Variants in MYH11 observed in about 807,000 individuals in gnomAD.
MYH11 encodes myosin-11.
A neutral mutation model predicts 246.6 loss-of-function variants in MYH11; 80 were observed. The ratio of observed to expected loss-of-function variants is 0.32; its 90% CI spans 0.27 to 0.39. The LOEUF is 0.39. Among genes scored for constraint, MYH11 ranks in the 10% least tolerant of loss-of-function variants. The pLI is 1.00. For synonymous variants in MYH11, 1,071 were observed against 1,015.5 expected, an observed-to-expected ratio of 1.05 and a Z score of -1.04; for missense variants, 2,158 against 2,546.8, an observed-to-expected ratio of 0.85 and a Z score of 3.29.
chr16:15,832,941 ATCTTTTTTTT>A (rs2043780156), intron 2 of MYH11, among the ~76,000 whole-genome samples: 16 of 86,174 alleles, frequency 1.9e-4, no homozygotes, highest in African/African-American at 5.0e-4. Flanking sequence ...CAGCAACCTC[ATCTTTTTTTT>A]TTTTTTTTTT....
intron 40 of MYH11, chr16:15,712,797 A>C (rs951772499): frequency 5.3e-5 from 7 of 131,102 alleles, no homozygotes; most frequent in African/African-American, 1.8e-4. Flanking sequence ...CTGTCAGGGG[A>C]CCTCTGGCCA....
At chr16:15,760,963 G>T (rs561456527) in intron 10 of MYH11, among the ~76,000 whole-genome samples, 9 of 152,218 alleles carry the variant, frequency 5.9e-5, no homozygotes, top group Admixed American at 3.9e-4. Context: ...TGTGACTTTG[G>T]AAAAGCTCTT....
At chr16:15,759,534 G>T in intron 12 of MYH11, 42 bp downstream of exon 12, 1 of 1,613,902 alleles carries the variant, frequency 6.2e-7, no homozygotes, top group Middle Eastern at 1.6e-4. Flanking sequence ...GCCCATCTCA[G>T]ACAACCAAGA....
At chr16:15,777,410 C>T (rs563669002) in intron 7 of MYH11, among the ~76,000 whole-genome samples, 4 of 152,256 alleles carry the variant, frequency 2.6e-5, no homozygotes, top group South Asian at 2.1e-4. Flanking sequence ...CGTGAACCAC[C>T]GTGCCTGGCT....
chr16:15,772,928 C>T (rs2042138135), intron 8 of MYH11, among the ~76,000 whole-genome samples: 1 of 152,144 alleles, frequency 6.6e-6, no homozygotes, highest in African/African-American at 2.4e-5. Context: ...CCCCATCACC[C>T]CCCGATGGGA....
At chr16:15,730,886 G>A (rs774040215) in intron 27 of MYH11, among the ~76,000 whole-genome samples, 3 of 152,144 alleles carry the variant, frequency 2.0e-5, no homozygotes, top group Non-Finnish European at 4.4e-5. Flanking sequence ...CCCATACACC[G>A]CAAAGAGTTC....
At chr16:15,833,156 G>A (rs977757594) in intron 2 of MYH11, among the ~76,000 whole-genome samples, 5 of 150,952 alleles carry the variant, frequency 3.3e-5, no homozygotes, top group African/African-American at 1.2e-4. Context: ...AAAATTAGCT[G>A]GGCATCGTGC....
chr16:15,838,974 A>G (rs2043981239), intron 1 of MYH11, among the ~76,000 whole-genome samples: 1 of 152,038 alleles, frequency 6.6e-6, no homozygotes, highest in African/African-American at 2.4e-5. Flanking sequence ...GATTAAACAT[A>G]GAATTACCCA....
At chr16:15,746,512 G>C (rs975728413) in intron 19 of MYH11, among the ~76,000 whole-genome samples, 1 of 152,106 alleles carries the variant, frequency 6.6e-6, no homozygotes, top group Admixed American at 6.6e-5. Context: ...TGACCATCTT[G>C]GGTCCATGTG....
At chr16:15,767,655 C>T (rs1205011894) in intron 9 of MYH11, among the ~76,000 whole-genome samples, 1 of 151,972 alleles carries the variant, frequency 6.6e-6, no homozygotes, top group African/African-American at 2.4e-5. Context: ...AATCGGTCTT[C>T]GCAGATGGAA....
At chr16:15,717,499 A>C in intron 37 of MYH11, 151 bp from the exon 38 acceptor site, 1 of 762,322 alleles carries the variant, frequency 1.3e-6, no homozygotes, top group Non-Finnish European at 2.1e-6. Context: ...AACTCCACTC[A>C]AGAGCTTCTT....
At chr16:15,839,576 C>T (rs958440315) in intron 1 of MYH11, among the ~76,000 whole-genome samples, 1 of 151,978 alleles carries the variant, frequency 6.6e-6, no homozygotes, top group African/African-American at 2.4e-5. Flanking sequence ...CACCTGTAGT[C>T]CCAGCTACTC....
intron 1 of MYH11, among the ~76,000 whole-genome samples, chr16:15,848,144 C>A (rs761515857): frequency 6.6e-6 from 1 of 151,486 alleles, no homozygotes; most frequent in African/African-American, 2.4e-5. Flanking sequence ...AGAATGTTTT[C>A]CTAAAAATTT....
chr16:15,708,985 C>G (rs2039626708), intron 40 of MYH11: 2 of 903,184 alleles, frequency 2.2e-6, no homozygotes. Context: ...CTCTGTCACC[C>G]AGGCTGGAGT....
chr16:15,723,457 G>A (rs914183384), intron 31 of MYH11, among the ~76,000 whole-genome samples: 14 of 152,228 alleles, frequency 9.2e-5, no homozygotes, highest in Middle Eastern at 3.4e-3. Context: ...GACCAGCCTG[G>A]ACAACATGGC....
At chr16:15,831,464 G>GGTGTGGGTGTGT (rs2043735215) in intron 2 of MYH11, among the ~76,000 whole-genome samples, 1 of 145,588 alleles carries the variant, frequency 6.9e-6, no homozygotes, top group Non-Finnish European at 1.5e-5. Flanking sequence ...TTATGTTTGG[G>GGTGTGGGTGTGT]GTGTGTGTGT....
intron 9 of MYH11, among the ~76,000 whole-genome samples, chr16:15,768,465 T>A (rs756046675): frequency 6.6e-6 from 1 of 152,084 alleles, no homozygotes; most frequent in Non-Finnish European, 1.5e-5. Context: ...CCCTTCTCCA[T>A]AGGCCCCTTG....
chr16:15,703,955 G>A lies in MYH11; in HGVS notation c.*36C>T, dbSNP rs763873926. 1 of 1,613,450 alleles carries A rather than the reference G, an allele frequency of 6.2e-7. No homozygotes were observed. The highest frequency in any genetic ancestry group is 1.7e-5 in the Admixed American group (1 of 59,978). ...TTTTGTTTGTTTGTTTTGGTTTTTG[G>A]TTTTCTTGCCGTGGTGCAAAACTGT... On this transcript the variant is annotated 3_prime_UTR_variant, in exon 41 of 41. Transcript: ENST00000300036.
intron 2 of MYH11, among the ~76,000 whole-genome samples, chr16:15,831,464 G>GGTGTGTGTGTGT (rs59352444): frequency 0.087 from 12,599 of 145,546 alleles, 615 homozygotes; most frequent in Admixed American, 0.12. Context: ...TTATGTTTGG[G>GGTGTGTGTGTGT]GTGTGTGTGT....
Sources: gnomAD v4.1 joint callset for allele counts (sites outside exome capture counted in the v4.1 genomes callset) on GRCh38, gnomAD v4.1.1 for gene constraint, MANE v1.5 for transcripts, NCBI Gene and HGNC (gene_info 2026-07-23, HGNC 2026-07-21) for gene names.